Variants in MALRD1 observed in about 807,000 individuals in gnomAD.
The protein encoded by MALRD1 is MAM and LDL-receptor class A domain-containing protein 1.
Under a neutral mutation model 242.1 loss-of-function variants are expected in MALRD1, and 247 were observed. That is an observed-to-expected ratio of 1.02 (90% confidence interval 0.92 to 1.13). MALRD1 has a LOEUF of 1.13. MALRD1 is among the 50% of genes most tolerant of loss of function. The pLI, the probability that MALRD1 is intolerant of heterozygous loss-of-function variation, is 0.00. For missense variants in MALRD1, 2,989 were observed against 2,533.1 expected (o/e 1.18, Z -3.86); for synonymous variants, 995 against 866.6 (o/e 1.15, Z -2.60).
intron 11 of MALRD1, among the ~76,000 whole-genome samples, chr10:19,148,788 A>AAAAAATATATAT (rs1206724666): frequency 3.4e-5 from 3 of 88,016 alleles, no homozygotes; most frequent in African/African-American, 8.2e-5. Flanking sequence ...AAAAAAAAAA[A>AAAAAATATATAT]ATATATATAT....
At chr10:19,602,142 A>C (rs558278054) in intron 34 of MALRD1, among the ~76,000 whole-genome samples, 3 of 138,452 alleles carry the variant, frequency 2.2e-5, no homozygotes, top group Non-Finnish European at 4.6e-5. Flanking sequence ...CAAGTCTATC[A>C]GTGCCAATTT....
At chr10:19,373,067 C>A (rs1055651901) in intron 26 of MALRD1, among the ~76,000 whole-genome samples, 1 of 151,426 alleles carries the variant, frequency 6.6e-6, no homozygotes, top group African/African-American at 2.4e-5. Context: ...GAAAAGTCTG[C>A]GAAAGTGTGA....
intron 29 of MALRD1, among the ~76,000 whole-genome samples, chr10:19,490,810 G>A (rs1837458240): frequency 6.6e-6 from 1 of 152,004 alleles, no homozygotes; most frequent in Non-Finnish European, 1.5e-5. Context: ...TTTATACGAG[G>A]ATGAGTATTA....
intron 26 of MALRD1, among the ~76,000 whole-genome samples, chr10:19,371,203 G>A (rs1237962677): frequency 6.6e-6 from 1 of 151,812 alleles, no homozygotes; most frequent in African/African-American, 2.4e-5. Context: ...GAGCTATGAT[G>A]GCCCTACTGC....
chr10:19,186,893 A>C (rs183681800), intron 14 of MALRD1, among the ~76,000 whole-genome samples: 198 of 152,250 alleles, frequency 1.3e-3, no homozygotes, highest in African/African-American at 4.7e-3. Flanking sequence ...TAGGTAAAAA[A>C]GGGGCGTAAA....
rs1040556448 is a variant in MALRD1, at chr10:19,692,218, A to G, written c.6138-64A>G. The G allele has an allele frequency of 9.3e-6, 11 of 1,180,908 alleles. No homozygotes were observed. The East Asian group carries it at 2.8e-4, about 30-fold the overall frequency. 73.2% of individuals were successfully genotyped at this position (1,180,908 alleles called of 1,614,324 possible). A position where few individuals can be genotyped will look rare whatever the true frequency, so the allele number is the denominator to read the frequency against. ...GACATTCATGATTTTATCCCATGCC[A>G]GTTGTGTTCAAATATCTTTTCACTT... On this transcript the variant is annotated intron_variant, in intron 36 of 39. Transcript: ENST00000454679.
chr10:19,100,538 A>C (rs565575098), intron 4 of MALRD1, among the ~76,000 whole-genome samples: 1 of 150,186 alleles, frequency 6.7e-6, no homozygotes, highest in South Asian at 2.1e-4. Flanking sequence ...TGGAAGAGAA[A>C]GGAACTCTCA....
chr10:19,361,793 T>C (rs1318090948), intron 26 of MALRD1, among the ~76,000 whole-genome samples: 2 of 152,256 alleles, frequency 1.3e-5, no homozygotes, highest in Admixed American at 1.3e-4. Flanking sequence ...AAAATTACAT[T>C]CTGCTTAAAA....
intron 33 of MALRD1, among the ~76,000 whole-genome samples, chr10:19,581,297 A>C (rs949368221): frequency 6.6e-6 from 1 of 151,140 alleles, no homozygotes; most frequent in East Asian, 2.0e-4. Context: ...TATACATGTG[A>C]CATGCTGGTG....
chr10:19,368,442 A>G lies in MALRD1; in HGVS notation c.4441+16145A>G, dbSNP rs147205877. Among the ~76,000 whole-genome samples, 351 of 151,990 alleles carry G rather than the reference A, an allele frequency of 2.3e-3. 3 individuals are homozygous for G. The highest frequency in any genetic ancestry group is 8.1e-3 in the African/African-American group (336 of 41,448). ...CAATTGACTGTAGAATTGTGGATTC[A>G]TTTTGGGGTTCTGTATTCTGTTCCA... On this transcript the variant is annotated intron_variant, in intron 26 of 39. Transcript: ENST00000454679.
chr10:19,504,174 A>G (rs1838094753), intron 31 of MALRD1, among the ~76,000 whole-genome samples: 1 of 152,176 alleles, frequency 6.6e-6, no homozygotes, highest in Non-Finnish European at 1.5e-5. Context: ...GACAGGATGG[A>G]TATTATTCTG....
At chr10:19,649,804 C>T (rs922824850) in intron 36 of MALRD1, among the ~76,000 whole-genome samples, 2 of 152,084 alleles carry the variant, frequency 1.3e-5, no homozygotes, top group Admixed American at 1.3e-4. Context: ...TCTGCCCATT[C>T]CTATGTCCAG....
chr10:19,585,344 G>C (rs1348915150), intron 33 of MALRD1, among the ~76,000 whole-genome samples: 3 of 152,058 alleles, frequency 2.0e-5, no homozygotes, highest in Admixed American at 1.3e-4. Context: ...ATTTTGGCAT[G>C]ATTTTGCAGT....
At chr10:19,733,484 C>T (rs546909296) in intron 39 of MALRD1, among the ~76,000 whole-genome samples, 27 of 152,202 alleles carry the variant, frequency 1.8e-4, no homozygotes, top group Admixed American at 3.3e-4. Flanking sequence ...ATTCATCCTA[C>T]CCCAATTGTC....
chr10:19,335,181 T>A (rs1224947262), intron 24 of MALRD1, among the ~76,000 whole-genome samples: 3 of 94,996 alleles, frequency 3.2e-5, no homozygotes, highest in African/African-American at 1.4e-4. Flanking sequence ...CCTCTTGTTC[T>A]GTTTTTTTTT....
At chr10:19,646,020 T>G (rs1175340759) in intron 36 of MALRD1, among the ~76,000 whole-genome samples, 1 of 152,210 alleles carries the variant, frequency 6.6e-6, no homozygotes, top group East Asian at 1.9e-4. Flanking sequence ...AATGTAAGTT[T>G]TGTAGCTTGT....
At chr10:19,448,707 C>G (rs766124982) in intron 28 of MALRD1, among the ~76,000 whole-genome samples, 1 of 151,814 alleles carries the variant, frequency 6.6e-6, no homozygotes, top group Non-Finnish European at 1.5e-5. Flanking sequence ...TCCATGTTTA[C>G]ATAAGATTTT....
chr10:19,658,823 G>A (rs1029904464), intron 36 of MALRD1, among the ~76,000 whole-genome samples: 4 of 152,034 alleles, frequency 2.6e-5, no homozygotes, highest in African/African-American at 9.7e-5. Flanking sequence ...TGAAAACCAC[G>A]CTCGGTCTCT....
chr10:19,644,358 A>G (rs554052008), intron 36 of MALRD1, among the ~76,000 whole-genome samples: 3 of 150,476 alleles, frequency 2.0e-5, no homozygotes, highest in African/African-American at 7.3e-5. Context: ...ATCATCATTC[A>G]TTTGAAAGAG....
Sources: gnomAD v4.1 joint callset for allele counts (sites outside exome capture counted in the v4.1 genomes callset) on GRCh38, gnomAD v4.1.1 for gene constraint, MANE v1.5 for transcripts, NCBI Gene and HGNC (gene_info 2026-07-23, HGNC 2026-07-21) for gene names.